Variants in SLC14A2 observed in about 807,000 individuals in gnomAD.
SLC14A2 encodes the protein solute carrier family 14 member 2, also known as urea transporter 2.
In SLC14A2, 91 loss-of-function variants were observed where a neutral mutation model predicts 104.6. The ratio of observed to expected loss-of-function variants is 0.87; its 90% CI spans 0.73 to 1.04. The LOEUF (loss-of-function observed/expected upper bound fraction) is 1.04. SLC14A2 is among the 50% of genes least tolerant of loss of function. The pLI is 0.00. For missense variants in SLC14A2, 1,189 were observed against 1,156.0 expected, an observed-to-expected ratio of 1.03 and a Z score of -0.41; for synonymous variants, 476 against 466.4, an observed-to-expected ratio of 1.02 and a Z score of -0.27.
chr18:45,678,854 A>T, intron 18 of SLC14A2, 121 bp from the exon 19 acceptor site: 2 of 917,998 alleles, frequency 2.2e-6, no homozygotes, highest in South Asian at 1.9e-5. Flanking sequence ...TCAAATTTTT[A>T]AAAAATCTTA....
intron 10 of SLC14A2, among the ~76,000 whole-genome samples, chr18:45,648,802 T>A (rs548112346): frequency 7.2e-4 from 110 of 152,358 alleles, no homozygotes; most frequent in Middle Eastern, 3.4e-3. Flanking sequence ...TTTTTTGTTT[T>A]TTCATTGTTC....
intron 2 of SLC14A2, among the ~76,000 whole-genome samples, chr18:45,518,003 A>C (rs1046033537): frequency 6.6e-6 from 1 of 152,164 alleles, no homozygotes; most frequent in African/African-American, 2.4e-5. Flanking sequence ...TTGACATCTT[A>C]AATTAGATAT....
At chr18:45,390,238 C>T (rs1454459149) in intron 1 of SLC14A2, among the ~76,000 whole-genome samples, 1 of 152,154 alleles carries the variant, frequency 6.6e-6, no homozygotes, top group East Asian at 1.9e-4. Flanking sequence ...CAACAGGAGA[C>T]CTTCATTTGT....
At chr18:45,581,872 G>A (rs1197538611) in intron 2 of SLC14A2, among the ~76,000 whole-genome samples, 1 of 133,048 alleles carries the variant, frequency 7.5e-6, no homozygotes, top group Non-Finnish European at 1.7e-5. Context: ...CTCCAGAGAA[G>A]CTGCCCTCAT....
intron 2 of SLC14A2, among the ~76,000 whole-genome samples, chr18:45,552,411 C>T (rs1034733213): frequency 2.0e-5 from 3 of 151,880 alleles, no homozygotes; most frequent in Non-Finnish European, 2.9e-5. Flanking sequence ...GTGAGTTTCC[C>T]TTCTCCTTTC....
At chr18:45,567,176 ACT>A (rs2044279399) in intron 2 of SLC14A2, among the ~76,000 whole-genome samples, 2 of 150,280 alleles carry the variant, frequency 1.3e-5, no homozygotes, top group Non-Finnish European at 2.9e-5. Context: ...TTTCTTTGTA[ACT>A]CTGTTTACCA....
At chr18:45,243,932 T>C (rs771542040) in intron 1 of SLC14A2, among the ~76,000 whole-genome samples, 3 of 152,184 alleles carry the variant, frequency 2.0e-5, no homozygotes, top group South Asian at 2.1e-4. Context: ...CCCAATCTGA[T>C]TGGCACAAGA....
chr18:45,678,872 C>G (rs2046267781), intron 18 of SLC14A2, 103 bp from the exon 19 acceptor site: 3 of 1,051,374 alleles, frequency 2.9e-6, no homozygotes, highest in African/African-American at 1.6e-5. Context: ...TTAGAGATAG[C>G]ATTTGTGGCA....
intron 10 of SLC14A2, among the ~76,000 whole-genome samples, chr18:45,648,468 G>A (rs192406448): frequency 2.6e-5 from 4 of 152,170 alleles, no homozygotes; most frequent in Admixed American, 2.0e-4. Flanking sequence ...GCCTCCCAAG[G>A]TGCTGGGATT....
In SLC14A2 at chr18:45,494,157, T is replaced by C. The variant is rs139792528; in HGVS notation, c.-35+10835T>C. 7.2e-5 allele frequency among the ~76,000 whole-genome samples: 11 copies of C among 152,326 alleles called. No homozygotes were observed. The East Asian group carries it at 1.9e-3, about 27-fold the overall frequency. ...GATCTGGAGACCAGGAAGGCAAGAA[T>C]TGGGTGACCATTTGCAAAGCCCAAT... On this transcript the variant is annotated intron_variant, in intron 2 of 20. Transcript: ENST00000586448.
At chr18:45,226,019 A>G (rs967198595) in intron 1 of SLC14A2, among the ~76,000 whole-genome samples, 3 of 152,244 alleles carry the variant, frequency 2.0e-5, no homozygotes, top group African/African-American at 7.2e-5. Flanking sequence ...GGATATGAAC[A>G]GACACTTCTC....
intron 10 of SLC14A2, among the ~76,000 whole-genome samples, chr18:45,655,791 T>G (rs535050293): frequency 4.6e-5 from 7 of 152,250 alleles, no homozygotes; most frequent in African/African-American, 1.7e-4. Flanking sequence ...TTTTTGGTAA[T>G]TTTTGTAACT....
At chr18:45,306,109 T>C (rs77080030) in intron 1 of SLC14A2, among the ~76,000 whole-genome samples, 3,002 of 152,274 alleles carry the variant, frequency 0.02, 37 homozygotes, top group Middle Eastern at 0.031. Flanking sequence ...TCTACTCCCT[T>C]ATCAGTAGAG....
At chr18:45,670,928 G>T (rs1407987867) in intron 16 of SLC14A2, among the ~76,000 whole-genome samples, 2 of 152,162 alleles carry the variant, frequency 1.3e-5, no homozygotes, top group African/African-American at 4.8e-5. Context: ...CTCCCAAAGT[G>T]CTGGGATTAC....
intron 2 of SLC14A2, among the ~76,000 whole-genome samples, chr18:45,494,180 A>G (rs1281591192): frequency 6.6e-6 from 1 of 152,218 alleles, no homozygotes; most frequent in Admixed American, 6.5e-5. Flanking sequence ...TGCAAAGCCC[A>G]ATTTTTCCAT....
At chr18:45,568,849 C>T (rs547567039) in intron 2 of SLC14A2, among the ~76,000 whole-genome samples, 1 of 152,250 alleles carries the variant, frequency 6.6e-6, no homozygotes, top group African/African-American at 2.4e-5. Flanking sequence ...AAATGTGTGG[C>T]ATATCAATCT....
intron 10 of SLC14A2, among the ~76,000 whole-genome samples, chr18:45,657,988 A>C (rs2045870119): frequency 6.6e-6 from 1 of 152,232 alleles, no homozygotes; most frequent in Non-Finnish European, 1.5e-5. Flanking sequence ...AACATTGTCC[A>C]AACTGTGGCC....
chr18:45,662,043 G>A lies in SLC14A2; in HGVS notation c.1352-1742G>A, dbSNP rs575352015. Among the ~76,000 whole-genome samples, 6 of 152,320 alleles carry A rather than the reference G, an allele frequency of 3.9e-5. No individual in the cohort carries two copies. In the East Asian group the frequency reaches 5.8e-4, roughly 15 times the overall value. The stretch of plus-strand genomic sequence containing the variant: ...GACAAGGCTGGGCGCTGTAGCTCAC[G>A]CCTGTACTCCCAGCACTTTGGGAAT... On this transcript the variant is annotated intron_variant, in intron 10 of 19. Transcript: ENST00000255226.
intron 2 of SLC14A2, among the ~76,000 whole-genome samples, chr18:45,537,319 A>G (rs1383481016): frequency 6.6e-6 from 1 of 152,208 alleles, no homozygotes; most frequent in Non-Finnish European, 1.5e-5. Flanking sequence ...GAGACAAAAA[A>G]GAAAGCAGAG....
Sources: gnomAD v4.1 joint callset for allele counts (sites outside exome capture counted in the v4.1 genomes callset) on GRCh38, gnomAD v4.1.1 for gene constraint, MANE v1.5 for transcripts, NCBI Gene and HGNC (gene_info 2026-07-23, HGNC 2026-07-21) for gene names.